Variants in HELLS observed in about 807,000 individuals in gnomAD.
The protein encoded by HELLS is helicase, lymphoid specific.
A neutral mutation model predicts 120.0 loss-of-function variants in HELLS; 32 were observed. The ratio of observed to expected loss-of-function variants is 0.27; its 90% CI spans 0.20 to 0.36. The LOEUF is 0.36. HELLS is among the 10% of genes least tolerant of loss of function. HELLS has a pLI of 1.00. For synonymous variants in HELLS, 341 were observed against 323.4 expected (o/e 1.05, Z -0.58); for missense variants, 650 against 993.4 (o/e 0.65, Z 4.65).
In HELLS at chr10:94,555,508, G is replaced by C. The variant is rs1589704772; in HGVS notation, c.276+1260G>C. 3.9e-5 allele frequency among the ~76,000 whole-genome samples: 6 copies of C among 152,326 alleles called. No homozygotes were observed. In the South Asian group the frequency reaches 1.2e-3, roughly 32 times the overall value. On this transcript the variant is annotated intron_variant, in intron 3 of 21. Transcript: ENST00000348459. The stretch of plus-strand genomic sequence containing the variant: ...GAACTTCTGGATAGCTGAACACATG[G>C]AGGTTCCTGGAGAGGATGGCGCATC...
At position 94,571,383 on chromosome 10, in the gene HELLS, A is replaced by G. The variant is rs1357523235; in HGVS notation, c.436-5A>G. 1.4e-6 allele frequency: 2 copies of G among 1,475,848 alleles called. No individual in the cohort carries two copies. Among genetic ancestry groups the G allele is most frequent in the South Asian group, 1.2e-5 (1 of 85,632 alleles). The allele number at this position is 1,475,848 out of a possible 1,614,324, so 91.4% of individuals were successfully genotyped here. A position where few individuals can be genotyped will look rare whatever the true frequency, so the allele number is the denominator to read the frequency against. ...TAATTTGTTTTTGTTTTCTCAAACTACTAGGAAATTTTGTCTGTGGCTAAA... is the reference window on the plus strand; with the variant it reads ...TAATTTGTTTTTGTTTTCTCAAACTGCTAGGAAATTTTGTCTGTGGCTAAA... On this transcript the variant is annotated splice_polypyrimidine_tract_variant and splice_region_variant and intron_variant, in intron 6 of 21. Transcript: ENST00000348459.
At chr10:94,566,331 A>G (rs1843795200) in intron 6 of HELLS, among the ~76,000 whole-genome samples, 1 of 152,228 alleles carries the variant, frequency 6.6e-6, no homozygotes, top group African/African-American at 2.4e-5. Flanking sequence ...TAATAGGGAA[A>G]GAGTAAAGTA....
intron 13 of HELLS, among the ~76,000 whole-genome samples, chr10:94,588,937 G>A (rs61886179): frequency 0.033 from 5,055 of 152,148 alleles, 129 homozygotes; most frequent in Non-Finnish European, 0.055. Context: ...ACCTGAGGTC[G>A]GGAATTTGAG....
intron 12 of HELLS, among the ~76,000 whole-genome samples, chr10:94,586,348 C>T (rs1187028805): frequency 1.3e-5 from 2 of 152,184 alleles, no homozygotes; most frequent in Non-Finnish European, 2.9e-5. Flanking sequence ...GTCTCGATCT[C>T]CTGACCTCGT....
intron 19 of HELLS, among the ~76,000 whole-genome samples, chr10:94,595,070 A>G (rs950748092): frequency 2.0e-5 from 3 of 152,040 alleles, no homozygotes; most frequent in South Asian, 2.1e-4. Context: ...TCTACTAACA[A>G]TACAAAAATT....
At chr10:94,580,139 ATATATATATATATAT>A (rs1844766064) in intron 10 of HELLS, among the ~76,000 whole-genome samples, 1 of 70,766 alleles carries the variant, frequency 1.4e-5, no homozygotes, top group Non-Finnish European at 2.6e-5. Context: ...ATATATATAT[ATATATATATATATAT>A]ATATATATAC....
At chr10:94,609,900 C>A (rs976225348) in exon 10 of HELLS, 3 of 152,278 alleles carry the variant, frequency 2.0e-5, no homozygotes, top group Admixed American at 2.0e-4. Flanking sequence ...CTACTCAGCA[C>A]AAGACAGGTT....
chr10:94,547,502 A>C (rs1011925261), intron 2 of HELLS, among the ~76,000 whole-genome samples: 25 of 152,174 alleles, frequency 1.6e-4, no homozygotes, highest in Non-Finnish European at 2.1e-4. Context: ...TGTCAACAAT[A>C]ATTTTTTTGT....
intron 11 of HELLS, 118 bp downstream of exon 11, chr10:94,581,640 A>G (rs1844873793): frequency 1.5e-6 from 1 of 660,902 alleles, no homozygotes; most frequent in Non-Finnish European, 2.5e-6. Context: ...TTTGTGGTGT[A>G]TATTGTATGT....
downstream of HELLS, among the ~76,000 whole-genome samples, chr10:94,606,936 A>C (rs1043088103): frequency 6.6e-6 from 1 of 152,198 alleles, no homozygotes; most frequent in Non-Finnish European, 1.5e-5. Flanking sequence ...GAATATGTAC[A>C]TATATATCTG....
downstream of HELLS, among the ~76,000 whole-genome samples, chr10:94,606,969 T>G (rs1482767812): frequency 6.6e-6 from 1 of 152,234 alleles, no homozygotes; most frequent in African/African-American, 2.4e-5. Context: ...TAATCACTTG[T>G]CCTGTGTGAG....
intron 12 of HELLS, chr10:94,583,997 C>T (rs1221915026): frequency 1.6e-6 from 1 of 643,094 alleles, no homozygotes; most frequent in Non-Finnish European, 2.7e-6. Context: ...GGAAAGAATT[C>T]CTAGAATGTA....
intron 8 of HELLS, 110 bp from the exon 9 acceptor site, chr10:94,574,444 A>G: frequency 1.2e-6 from 1 of 868,326 alleles, no homozygotes; most frequent in East Asian, 2.5e-5. Context: ...TATCAGCTTT[A>G]ACATAATTCT....
chr10:94,589,172 T>A (rs1471563545), intron 13 of HELLS, among the ~76,000 whole-genome samples: 2 of 151,628 alleles, frequency 1.3e-5, no homozygotes, highest in Non-Finnish European at 2.9e-5. Context: ...AAAAAAAAAA[T>A]GTATATTTCC....
At chr10:94,602,208 A>G (rs2134140576), downstream of HELLS, 1 of 152,336 alleles carries the variant, frequency 6.6e-6, no homozygotes, top group Non-Finnish European at 1.5e-5. Flanking sequence ...CACTAGTACT[A>G]TAGGAGTGTG....
chr10:94,546,557 G>A, intron 2 of HELLS, 59 bp downstream of exon 2: 4 of 1,602,228 alleles, frequency 2.5e-6, no homozygotes, highest in Non-Finnish European at 2.6e-6. Context: ...GCTTTAACCC[G>A]GAGGTGTGGT....
intron 4 of HELLS, among the ~76,000 whole-genome samples, chr10:94,560,055 C>T (rs558087889): frequency 1.3e-5 from 2 of 151,920 alleles, no homozygotes; most frequent in South Asian, 2.1e-4. Flanking sequence ...TTTTTTGAGA[C>T]GGAGTCTCGT....
At chr10:94,560,925 G>A (rs949631714) in intron 4 of HELLS, among the ~76,000 whole-genome samples, 9 of 151,684 alleles carry the variant, frequency 5.9e-5, no homozygotes, top group Non-Finnish European at 8.8e-5. Flanking sequence ...GCATGATGGC[G>A]GGTACCTGTA....
intron 6 of HELLS, chr10:94,569,314 C>T (rs1844009542): frequency 6.6e-6 from 1 of 152,030 alleles, no homozygotes; most frequent in African/African-American, 2.4e-5. Flanking sequence ...TCCCAAGTAG[C>T]TGGGATTACA....
Sources: allele counts gnomAD v4.1 joint callset (sites outside exome capture counted in the v4.1 genomes callset), GRCh38; gene constraint gnomAD v4.1.1; transcripts MANE v1.5; gene names NCBI Gene and HGNC (gene_info 2026-07-23, HGNC 2026-07-21).